PSMB3: variants seen among roughly 807,000 people sequenced by gnomAD.
PSMB3 encodes the protein proteasome 20S subunit beta 3, also known as proteasome subunit beta type-3.
A neutral mutation model predicts 23.3 loss-of-function variants in PSMB3; 5 were observed. The observed-to-expected ratio is 0.21, with a 90% CI of 0.11 to 0.45. The LOEUF (loss-of-function observed/expected upper bound fraction) is 0.45, where lower values mean the gene tolerates loss of function less well. Ranked by LOEUF, PSMB3 falls within the 20% of genes least tolerant of loss-of-function variation. The pLI is 0.99. For synonymous variants in PSMB3, 85 were observed against 99.8 expected (o/e 0.85, Z 0.88); for missense variants, 192 against 277.9 (o/e 0.69, Z 2.20).
intron 3 of PSMB3, among the ~76,000 whole-genome samples, chr17:38,758,112 C>T (rs143851030): frequency 3.8e-4 from 58 of 152,188 alleles, no homozygotes; most frequent in African/African-American, 1.4e-3. Flanking sequence ...GACAGAGGTG[C>T]GTAGATGGTA....
intron 5 of PSMB3, among the ~76,000 whole-genome samples, chr17:38,763,119 G>A (rs776287406): frequency 1.2e-4 from 18 of 152,176 alleles, no homozygotes; most frequent in Non-Finnish European, 2.4e-4. Flanking sequence ...CACTTTGGGA[G>A]GCTGAGGTGG....
chr17:38,757,505 G>C (rs923399326), intron 3 of PSMB3, among the ~76,000 whole-genome samples: 1 of 150,414 alleles, frequency 6.6e-6, no homozygotes, highest in African/African-American at 2.5e-5. Context: ...GTGACAGAGT[G>C]AGACTTAGTC....
At chr17:38,761,763 C>T (rs1043090295) in intron 4 of PSMB3, among the ~76,000 whole-genome samples, 10 of 152,154 alleles carry the variant, frequency 6.6e-5, no homozygotes, top group African/African-American at 1.9e-4. Flanking sequence ...TGAACTCTGT[C>T]CTCTGCCATA....
At chr17:38,760,675 G>C (rs577778194) in intron 4 of PSMB3, 67 bp downstream of exon 4, 1 of 1,570,040 alleles carries the variant, frequency 6.4e-7, no homozygotes, top group African/African-American at 1.3e-5. Context: ...GGAAAAAAGT[G>C]TGTTTATGTG....
rs1567641915 is a variant in PSMB3 at position 38,752,898 on chromosome 17, TG to T, written c.3+73del. The T allele has an allele frequency of 6.2e-7, 1 of 1,601,334 alleles. No individual in the cohort carries two copies. Among genetic ancestry groups the T allele is most frequent in the African/African-American group, 1.3e-5 (1 of 74,406 alleles). On this transcript the variant is annotated intron_variant, in intron 1 of 5. Coordinates refer to ENST00000619426, the MANE Select transcript of PSMB3 (RefSeq NM_002795.4). This position sits in a 1 kb window ranked among gnomAD's most constrained non-coding sequence, Gnocchi z 5.5. Reference sequence around the variant, plus strand: ...GAAGCGGAGGGGGTCAGGAGAGGCTTGGGGACGAAAAGGGCCTAGGGTCGAT... The same window carrying T: ...GAAGCGGAGGGGGTCAGGAGAGGCTTGGGACGAAAAGGGCCTAGGGTCGAT...
intron 2 of PSMB3, among the ~76,000 whole-genome samples, chr17:38,755,663 T>A (rs56317692): frequency 0.38 from 35,292 of 92,592 alleles, 6,122 homozygotes; most frequent in East Asian, 0.56. Flanking sequence ...AAAAAAAATA[T>A]ATATATATAT....
chr17:38,762,821 T>A (rs1036444479), intron 5 of PSMB3, among the ~76,000 whole-genome samples: 4 of 152,160 alleles, frequency 2.6e-5, no homozygotes, highest in African/African-American at 7.2e-5. Context: ...TGCAGATGGA[T>A]TGAAATTCTA....
At chr17:38,759,882 C>T (rs951040638) in intron 3 of PSMB3, among the ~76,000 whole-genome samples, 1 of 152,148 alleles carries the variant, frequency 6.6e-6, no homozygotes. Flanking sequence ...GTGTCTAGAA[C>T]AAGTTTCTGA....
chr17:38,761,348 CAAAA>C (rs1236248256), intron 4 of PSMB3, among the ~76,000 whole-genome samples: 1 of 88,206 alleles, frequency 1.1e-5, no homozygotes, highest in Admixed American at 1.2e-4. Flanking sequence ...AACTCCGTCT[CAAAA>C]AAAAAAAAAA....
chr17:38,757,349 T>G (rs1908246871), intron 3 of PSMB3, among the ~76,000 whole-genome samples: 1 of 151,114 alleles, frequency 6.6e-6, no homozygotes, highest in South Asian at 2.1e-4. Context: ...TGAAACCTCA[T>G]CTCTACTAAA....
rs556101550 is a variant in PSMB3 at position 38,753,363 on chromosome 17, C to A, written c.188+29C>A. On this transcript the variant is annotated intron_variant, in intron 2 of 5. Coordinates refer to ENST00000619426, the MANE Select transcript of PSMB3 (RefSeq NM_002795.4). ...AGTTTCAAGGGTCCCCGCCCACACC[C>A]AGGCCTCTTCTTGGACCATCCAACC... The A allele has an allele frequency of 1.9e-6, 3 of 1,602,368 alleles. No individual in the cohort carries two copies. In the South Asian group the frequency reaches 3.4e-5, roughly 18 times the overall value.
chr17:38,764,041 G>A, intron 5 of PSMB3, 78 bp from the exon 6 acceptor site: 1 of 1,570,878 alleles, frequency 6.4e-7, no homozygotes, highest in Non-Finnish European at 8.7e-7. Flanking sequence ...AGGGCTTGGT[G>A]CTGAGGGCCA....
intron 5 of PSMB3, 41 bp downstream of exon 5, chr17:38,762,546 C>A: frequency 6.5e-7 from 1 of 1,547,444 alleles, no homozygotes; most frequent in Non-Finnish European, 8.9e-7. Flanking sequence ...TCTGCAGACA[C>A]CCTGCCTCTC....
chr17:38,755,667 T>A (rs1449901169), intron 2 of PSMB3, among the ~76,000 whole-genome samples: 11,071 of 95,608 alleles, frequency 0.12, 775 homozygotes, highest in East Asian at 0.25. Flanking sequence ...AAAATATATA[T>A]ATATATATAT....
intron 2 of PSMB3, among the ~76,000 whole-genome samples, chr17:38,753,598 C>G (rs1476492165): frequency 2.0e-5 from 3 of 152,102 alleles, no homozygotes; most frequent in African/African-American, 7.2e-5. Context: ...CGTGCCTCAG[C>G]CTCCTAAGTA....
At chr17:38,755,643 G>A (rs1473946586) in intron 2 of PSMB3, among the ~76,000 whole-genome samples, 3 of 25,372 alleles carry the variant, frequency 1.2e-4, no homozygotes, top group African/African-American at 3.2e-4. Context: ...GTGAGACTCC[G>A]TCTAAAAAAA....
chr17:38,753,031 G>A, intron 1 of PSMB3, 119 bp from the exon 2 acceptor site: 1 of 1,282,712 alleles, frequency 7.8e-7, no homozygotes. Flanking sequence ...GAGAACCAGG[G>A]GTTCAGACGC....
At chr17:38,759,406 C>G (rs1908339731) in intron 3 of PSMB3, among the ~76,000 whole-genome samples, 1 of 152,152 alleles carries the variant, frequency 6.6e-6, no homozygotes, top group Admixed American at 6.5e-5. Context: ...GATCAAATTT[C>G]AAAGCATAGT....
At chr17:38,761,187 TAAAA>T (rs967576860) in intron 4 of PSMB3, among the ~76,000 whole-genome samples, 1 of 150,570 alleles carries the variant, frequency 6.6e-6, no homozygotes, top group East Asian at 1.9e-4. Context: ...CCGTCTCTAC[TAAAA>T]AAAAAGTTAA....
Sources: allele counts gnomAD v4.1 joint callset (sites outside exome capture counted in the v4.1 genomes callset), GRCh38; gene constraint gnomAD v4.1.1; non-coding constraint Gnocchi (gnomAD v3.1); transcripts MANE v1.5; gene names NCBI Gene and HGNC (gene_info 2026-07-23, HGNC 2026-07-21).